The following STK32B variants were observed in gnomAD, a reference collection of about 807,000 sequenced individuals.
The protein encoded by STK32B is serine/threonine-protein kinase 32B.
Under a neutral mutation model 52.6 loss-of-function variants are expected in STK32B, and 43 were observed. The observed-to-expected ratio is 0.82, with a 90% CI of 0.64 to 1.05. The LOEUF (loss-of-function observed/expected upper bound fraction) is 1.05, where lower values mean the gene tolerates loss of function less well. STK32B is among the 50% of genes least tolerant of loss of function. The probability of loss-of-function intolerance (pLI) is 0.00; values close to 1 mark genes in which losing one functional copy is unlikely to be tolerated. For synonymous variants in STK32B, 238 were observed against 204.3 expected, an observed-to-expected ratio of 1.17 and a Z score of -1.41; for missense variants, 621 against 534.6, an observed-to-expected ratio of 1.16 and a Z score of -1.59.
intron 3 of STK32B, among the ~76,000 whole-genome samples, chr4:5,277,441 C>T (rs1408065647): frequency 6.6e-6 from 1 of 151,954 alleles, no homozygotes; most frequent in Admixed American, 6.6e-5. Flanking sequence ...GATAGTCAGA[C>T]AGTAGCAATT....
At chr4:5,316,795 TATATATTATATATATTATATATTATATC>T (rs1730872358) in intron 3 of STK32B, among the ~76,000 whole-genome samples, 2 of 144 alleles carry the variant, frequency 0.014, no homozygotes, top group Non-Finnish European at 0.016. Context: ...ACATATATAT[TATATATTATATATATTATATATTATATC>T]ATATATATTA....
At chr4:5,048,355 C>T (rs971829110), upstream of STK32B, among the ~76,000 whole-genome samples, 1 of 143,836 alleles carries the variant, frequency 7.0e-6, no homozygotes, top group South Asian at 2.2e-4. Context: ...GGCTGGAGTG[C>T]GATGGCGCGA....
In STK32B at chr4:5,492,183, T is replaced by G. The variant is rs998737493; in HGVS notation, c.1107-6762T>G. ...ATTACCTTGGGCAGTATGGCCATTT[T>G]CATGATGTTGATTCTTCCTACCCAT... On this transcript the variant is annotated intron_variant, in intron 11 of 11. Transcript: ENST00000282908. Among the ~76,000 whole-genome samples, 472 of 152,342 alleles carry G rather than the reference T, an allele frequency of 3.1e-3. 1 individual carries two copies. Among genetic ancestry groups the G allele is most frequent in the Non-Finnish European group, 5.5e-3 (373 of 68,042 alleles).
At chr4:5,433,532 G>C (rs370393569) in intron 6 of STK32B, among the ~76,000 whole-genome samples, 1 of 152,184 alleles carries the variant, frequency 6.6e-6, no homozygotes, top group Non-Finnish European at 1.5e-5. Flanking sequence ...AGCTGGGCCA[G>C]AAGTCATTTA....
At chr4:5,243,443 T>G (rs1725192637) in intron 3 of STK32B, among the ~76,000 whole-genome samples, 2 of 152,232 alleles carry the variant, frequency 1.3e-5, no homozygotes, top group African/African-American at 4.8e-5. Context: ...CCTCAGACTT[T>G]GCTGAAGTTG....
At chr4:5,446,800 C>T (rs370673809) in intron 7 of STK32B, 24 bp downstream of exon 7, 2 of 1,610,652 alleles carry the variant, frequency 1.2e-6, no homozygotes, top group Non-Finnish European at 1.7e-6. Flanking sequence ...CTGTGCGGTA[C>T]ACACGAGGGG....
rs935407742 is a variant in STK32B, at chr4:5,460,210, G to A, written c.891G>A (p.Met297Ile). Residue 297 changes from methionine (M) to isoleucine (I), a missense_variant, in exon 9 of 12, where the codon ATG (methionine) becomes ATA (isoleucine). Met to Ile is a conservative substitution (Grantham distance 10). Transcript: ENST00000282908. This position sits in a 1 kb window ranked among gnomAD's most constrained non-coding sequence, Gnocchi z 4.8. The stretch of plus-strand genomic sequence containing the variant: ...ACGCGGTGTTCAAGAAGGCACTGAT[G>A]CCCGGCTTTGTGCCCAATGTGAGTG... ...NWDAVFKKALMPGFVPNKGRL... is the reference protein window; with the variant it reads ...NWDAVFKKALIPGFVPNKGRL... 2 of 1,613,086 alleles carry A rather than the reference G, an allele frequency of 1.2e-6. No individual in the cohort carries two copies. Among genetic ancestry groups the A allele is most frequent in the African/African-American group, 1.3e-5 (1 of 75,028 alleles).
chr4:5,372,699 G>A (rs1566754), intron 4 of STK32B, among the ~76,000 whole-genome samples: 45,684 of 146,384 alleles, frequency 0.31, 8,821 homozygotes, highest in African/African-American at 0.56. Flanking sequence ...CTTCGAGCTC[G>A]TGGCCTCAGC....
intron 3 of STK32B, among the ~76,000 whole-genome samples, chr4:5,169,143 C>G (rs1391019546): frequency 6.6e-6 from 1 of 152,230 alleles, no homozygotes; most frequent in African/African-American, 2.4e-5. Context: ...GACCCACAGG[C>G]CAGCTGAGTG....
chr4:5,086,058 C>T (rs769678923), intron 1 of STK32B, among the ~76,000 whole-genome samples: 13 of 152,162 alleles, frequency 8.5e-5, no homozygotes, highest in African/African-American at 2.6e-4. Context: ...GTCACTGCTG[C>T]GTGAAGTGAT....
At chr4:5,290,716 T>C (rs1466684267) in intron 3 of STK32B, among the ~76,000 whole-genome samples, 1 of 151,970 alleles carries the variant, frequency 6.6e-6, no homozygotes, top group East Asian at 1.9e-4. Context: ...GTATAAGACA[T>C]TTACACTGAA....
intron 4 of STK32B, among the ~76,000 whole-genome samples, chr4:5,371,277 C>G (rs1415421157): frequency 6.6e-6 from 1 of 152,030 alleles, no homozygotes; most frequent in Non-Finnish European, 1.5e-5. Flanking sequence ...ACTGACTTAA[C>G]AGGATTCCTG....
At chr4:5,498,909 G>A (rs1405928988) in intron 11 of STK32B, 36 bp from the exon 12 acceptor site, 1 of 1,586,120 alleles carries the variant, frequency 6.3e-7, no homozygotes, top group African/African-American at 1.3e-5. Context: ...ACAACCCCAT[G>A]CCGCACCACT....
At chr4:5,317,384 C>A (rs1577339525) in intron 3 of STK32B, among the ~76,000 whole-genome samples, 3 of 69,548 alleles carry the variant, frequency 4.3e-5, no homozygotes, top group Admixed American at 2.0e-4. Context: ...ATATATATTA[C>A]ATATATATAA....
Position 5,495,804 on chromosome 4 carries a change from C to T in STK32B, c.1107-3141C>T, listed in dbSNP as rs1336415190. Among the ~76,000 whole-genome samples the T allele has an allele frequency of 5.5e-4, 83 of 152,292 alleles. 2 individuals carry two copies. The highest frequency in any genetic ancestry group is 1.9e-3 in the African/African-American group (81 of 41,544). On this transcript the variant is annotated intron_variant, in intron 11 of 11. Transcript: ENST00000282908. ...AGTTTTCCTTCTAACAGACAGGACC[C>T]TCAGCTGCAGATCTGTTGGAGTTTG...
At chr4:5,171,642 G>T (rs546197042) in intron 3 of STK32B, among the ~76,000 whole-genome samples, 7 of 149,034 alleles carry the variant, frequency 4.7e-5, no homozygotes, top group African/African-American at 1.5e-4. Flanking sequence ...ATTTCTGAGG[G>T]CTCTATTCTG....
At chr4:5,258,866 C>T (rs1726513155) in intron 3 of STK32B, among the ~76,000 whole-genome samples, 1 of 152,226 alleles carries the variant, frequency 6.6e-6, no homozygotes, top group Non-Finnish European at 1.5e-5. Context: ...GGTTCTCCAT[C>T]TCACTCGGAG....
In STK32B at chr4:5,400,221, T is replaced by G. The variant is rs943899821; in HGVS notation, c.472+1977T>G. ...CCCTGAAGCTGCTGCACAAAAGATA[T>G]AGGCAGGCGGGCTGCTCCCAGGCAG... is the stretch of plus-strand genomic sequence containing the variant. On this transcript the variant is annotated intron_variant, in intron 5 of 11. Coordinates refer to ENST00000282908, the MANE Select transcript of STK32B (RefSeq NM_018401.3). This position sits in a 1 kb window ranked among gnomAD's most constrained non-coding sequence, Gnocchi z 6.1. 2.0e-5 allele frequency among the ~76,000 whole-genome samples: 3 copies of G among 152,160 alleles called. No individual in the cohort carries two copies. Among genetic ancestry groups the G allele is most frequent in the African/African-American group, 7.2e-5 (3 of 41,444 alleles).
intron 3 of STK32B, among the ~76,000 whole-genome samples, chr4:5,306,429 T>C (rs1729930404): frequency 6.6e-6 from 1 of 152,212 alleles, no homozygotes; most frequent in Admixed American, 6.5e-5. Flanking sequence ...TATTTTTCTG[T>C]TGGACTGGTC....
Sources: gnomAD v4.1 joint callset for allele counts (sites outside exome capture counted in the v4.1 genomes callset) on GRCh38, gnomAD v4.1.1 for gene constraint, Gnocchi (gnomAD v3.1) non-coding constraint, MANE v1.5 for transcripts, NCBI Gene and HGNC (gene_info 2026-07-23, HGNC 2026-07-21) for gene names.